Variants in RBFOX1 observed in about 807,000 individuals in gnomAD.
RBFOX1 encodes the protein RNA binding protein fox-1 homolog 1.
A neutral mutation model predicts 57.7 loss-of-function variants in RBFOX1; 8 were observed. That is an observed-to-expected ratio of 0.14 (90% CI 0.08 to 0.25). The LOEUF (loss-of-function observed/expected upper bound fraction) is 0.25. RBFOX1 is among the 10% of genes least tolerant of loss of function. The probability of loss-of-function intolerance (pLI) is 1.00; values close to 1 mark genes in which losing one functional copy is unlikely to be tolerated. For missense variants in RBFOX1, 611 were observed against 548.5 expected, an observed-to-expected ratio of 1.11 and a Z score of -1.14; for synonymous variants, 326 against 222.4, an observed-to-expected ratio of 1.47 and a Z score of -4.15.
chr16:6,801,462 A>C (rs1420899480), intron 3 of RBFOX1, among the ~76,000 whole-genome samples: 1 of 152,164 alleles, frequency 6.6e-6, no homozygotes, highest in Non-Finnish European at 1.5e-5. Context: ...GCCTAATAGC[A>C]AATATAAAGA....
chr16:5,853,012 T>G (rs1192892855), intron 3 of RBFOX1, among the ~76,000 whole-genome samples: 1 of 152,098 alleles, frequency 6.6e-6, no homozygotes, highest in African/African-American at 2.4e-5. Flanking sequence ...GCAGGTCCCT[T>G]GGTTACAACG....
intron 4 of RBFOX1, among the ~76,000 whole-genome samples, chr16:7,199,924 C>G (rs1446727079): frequency 1.3e-5 from 2 of 151,984 alleles, no homozygotes; most frequent in Non-Finnish European, 2.9e-5. Context: ...ACAACAACAA[C>G]AACAACAAAG....
chr16:5,470,765 C>T (rs1788132851), intron 2 of RBFOX1, among the ~76,000 whole-genome samples: 1 of 152,176 alleles, frequency 6.6e-6, no homozygotes, highest in Non-Finnish European at 1.5e-5. Context: ...TCCGCCTCTG[C>T]AGCCTGGAAC....
chr16:5,485,299 T>C (rs1237556123), intron 2 of RBFOX1, among the ~76,000 whole-genome samples: 7 of 135,432 alleles, frequency 5.2e-5, no homozygotes. Flanking sequence ...TAAGCCGAGA[T>C]TGCGCCACTG....
chr16:6,864,892 C>A (rs552440007), intron 3 of RBFOX1, among the ~76,000 whole-genome samples: 1 of 150,264 alleles, frequency 6.7e-6, no homozygotes, highest in South Asian at 2.1e-4. Context: ...ACAAGAGGGG[C>A]GTTTTTGGTT....
At chr16:6,811,358 G>A (rs930887973) in intron 3 of RBFOX1, among the ~76,000 whole-genome samples, 2 of 152,142 alleles carry the variant, frequency 1.3e-5, no homozygotes, top group African/African-American at 4.8e-5. Context: ...TTATGGGGTA[G>A]GATCACTTCT....
intron 3 of RBFOX1, among the ~76,000 whole-genome samples, chr16:7,049,445 T>C (rs937209491): frequency 6.6e-6 from 1 of 151,132 alleles, no homozygotes; most frequent in East Asian, 2.0e-4. Context: ...ACACAAACTT[T>C]TAAAAAGAAA....
intron 4 of RBFOX1, among the ~76,000 whole-genome samples, chr16:7,162,454 G>T (rs975726933): frequency 6.6e-6 from 1 of 151,910 alleles, no homozygotes; most frequent in Non-Finnish European, 1.5e-5. Flanking sequence ...AGACTTCTGG[G>T]CGCAGTAACT....
chr16:6,221,241 T>G (rs1268063676), intron 1 of RBFOX1, among the ~76,000 whole-genome samples: 5 of 152,228 alleles, frequency 3.3e-5, no homozygotes, highest in Admixed American at 2.6e-4. Flanking sequence ...AATGCTAGTT[T>G]CTCTACATCC....
At position 7,693,165 on chromosome 16, in the gene RBFOX1, T is replaced by A. The variant is rs1006264191; in HGVS notation, c.996-15891T>A. 3.5e-5 allele frequency: 22 copies of A among 624,224 alleles called. No homozygotes were observed. In the Middle Eastern group the frequency reaches 7.7e-4, roughly 22 times the overall value. 38.7% of individuals were successfully genotyped at this position (624,224 alleles called of 1,614,324 possible). ...CCGCATGCTTATTTCATGATCTTTC[T>A]AAACTCTGAGGTACATCAGCACATT... On this transcript the variant is annotated intron_variant, in intron 14 of 15. Coordinates refer to ENST00000550418, the MANE Select transcript of RBFOX1 (RefSeq NM_018723.4).
intron 3 of RBFOX1, among the ~76,000 whole-genome samples, chr16:6,890,399 G>A (rs967854728): frequency 1.3e-5 from 2 of 152,184 alleles, no homozygotes; most frequent in Non-Finnish European, 2.9e-5. Flanking sequence ...GGCACCTGTA[G>A]TCCCAGCCAC....
chr16:5,467,377 C>A, intron 2 of RBFOX1: 2 of 918,062 alleles, frequency 2.2e-6, no homozygotes, highest in Non-Finnish European at 1.6e-6. Flanking sequence ...TGTAATCAAC[C>A]ACAGCACAGT....
At chr16:6,291,949 A>ATG (rs112285049) in intron 1 of RBFOX1, among the ~76,000 whole-genome samples, 3,841 of 149,450 alleles carry the variant, frequency 0.026, 109 homozygotes, top group East Asian at 0.12. Context: ...GTTGGAATGA[A>ATG]TGTGTGTGTG....
intron 3 of RBFOX1, among the ~76,000 whole-genome samples, chr16:5,756,252 TG>T (rs752588191): frequency 1.4e-3 from 160 of 113,668 alleles, no homozygotes; most frequent in South Asian, 0.011. Context: ...AAAAAAACCC[TG>T]CACCACCTCC....
At chr16:5,298,912 G>T (rs1408358895) in intron 1 of RBFOX1, among the ~76,000 whole-genome samples, 2 of 105,220 alleles carry the variant, frequency 1.9e-5, no homozygotes, top group Admixed American at 1.1e-4. Context: ...GTTTGAGATA[G>T]GTGGACTTGT....
chr16:6,912,603 T>TTG (rs2071951295), intron 3 of RBFOX1, among the ~76,000 whole-genome samples: 3 of 150,990 alleles, frequency 2.0e-5, no homozygotes, highest in South Asian at 4.2e-4. Flanking sequence ...CTTTCTTTTC[T>TTG]TGTGTGTGTG....
chr16:7,398,402 T>G (rs2098177983), intron 4 of RBFOX1, among the ~76,000 whole-genome samples: 1 of 152,228 alleles, frequency 6.6e-6, no homozygotes, highest in African/African-American at 2.4e-5. Flanking sequence ...GATGTAAGAT[T>G]TTGTTAATGT....
Position 6,820,700 on chromosome 16 carries a change from C to G in RBFOX1, c.-16+166050C>G, listed in dbSNP as rs571661973. On this transcript the variant is annotated intron_variant, in intron 3 of 15. Transcript: ENST00000550418. ...AAAACAAACAAACAAAAACCGAAAA[C>G]TGCAGTGCATTCTCATTCTTAGAAG... Among the ~76,000 whole-genome samples the G allele has an allele frequency of 4.1e-4, 63 of 151,930 alleles. 1 individual carries two copies. In the South Asian group the frequency reaches 0.012, roughly 28 times the overall value.
chr16:6,504,959 G>C (rs889250425), intron 2 of RBFOX1, among the ~76,000 whole-genome samples: 2 of 151,994 alleles, frequency 1.3e-5, no homozygotes, highest in African/African-American at 4.8e-5. Context: ...TGTAATCCCA[G>C]CTACTTGGGA....
Sources: gnomAD v4.1 joint callset for allele counts (sites outside exome capture counted in the v4.1 genomes callset) on GRCh38, gnomAD v4.1.1 for gene constraint, MANE v1.5 for transcripts, NCBI Gene and HGNC (gene_info 2026-07-23, HGNC 2026-07-21) for gene names.